RBFOX1: variants seen among roughly 807,000 people sequenced by gnomAD.
RBFOX1 encodes RNA binding fox-1 homolog 1, also known as RNA binding protein fox-1 homolog 1.
RBFOX1 carries 8 observed loss-of-function variants against 57.7 expected under a neutral mutation model. That is an observed-to-expected ratio of 0.14 (90% CI 0.08 to 0.25). RBFOX1 has a LOEUF of 0.25. Ranked by LOEUF, RBFOX1 falls within the 10% of genes least tolerant of loss-of-function variation. The pLI is 1.00. For synonymous variants in RBFOX1, 326 were observed against 222.4 expected, an observed-to-expected ratio of 1.47 and a Z score of -4.15; for missense variants, 611 against 548.5, an observed-to-expected ratio of 1.11 and a Z score of -1.14.
At chr16:7,517,758 G>A (rs552782655) in intron 4 of RBFOX1, among the ~76,000 whole-genome samples, 1 of 151,400 alleles carries the variant, frequency 6.6e-6, no homozygotes, top group Non-Finnish European at 1.5e-5. Context: ...TCAAGGTTCT[G>A]CTGTCACTGC....
chr16:7,159,167 T>C (rs539203172), intron 4 of RBFOX1, among the ~76,000 whole-genome samples: 69 of 152,264 alleles, frequency 4.5e-4, no homozygotes, highest in African/African-American at 1.6e-3. Context: ...GCCCTGGAGA[T>C]TGTTTCAAGT....
intron 4 of RBFOX1, among the ~76,000 whole-genome samples, chr16:7,245,764 G>T (rs1482767574): frequency 6.6e-6 from 1 of 152,058 alleles, no homozygotes; most frequent in Non-Finnish European, 1.5e-5. Context: ...AATAACTTCG[G>T]GTTGCCCTTT....
At position 6,637,827 on chromosome 16, in the gene RBFOX1, C is replaced by G. The variant is rs1030704008; in HGVS notation, c.-63-16776C>G. On this transcript the variant is annotated intron_variant, in intron 2 of 15. Coordinates refer to ENST00000550418, the MANE Select transcript of RBFOX1 (RefSeq NM_018723.4). The stretch of plus-strand genomic sequence containing the variant: ...CCATGGTCTCCAAATCTTGGAGGTC[C>G]TTTCTGCACTGGATTACAATTCTGA... 2.0e-5 allele frequency among the ~76,000 whole-genome samples: 3 copies of G among 152,006 alleles called. No individual in the cohort carries two copies. The East Asian group carries it at 5.8e-4, about 29-fold the overall frequency.
At chr16:5,771,009 C>G (rs2053959916) in intron 3 of RBFOX1, among the ~76,000 whole-genome samples, 1 of 152,156 alleles carries the variant, frequency 6.6e-6, no homozygotes, top group African/African-American at 2.4e-5. Flanking sequence ...TGCAAACGAG[C>G]AGTGTTGGCA....
Position 7,218,936 on chromosome 16 carries a change from A to G in RBFOX1, c.27+166838A>G, listed in dbSNP as rs144873815. Among the ~76,000 whole-genome samples the G allele has an allele frequency of 2.0e-3, 311 of 152,252 alleles. 3 individuals are homozygous for G. The highest frequency in any genetic ancestry group is 7.2e-3 in the African/African-American group (299 of 41,548). On this transcript the variant is annotated intron_variant, in intron 4 of 15. Transcript: ENST00000550418. ...TCTTCTCTCTTGGGTTTGGGCAGGCATATGGTCTGTGCCTAGCAGAGCTGA... is the reference window on the plus strand; with the variant it reads ...TCTTCTCTCTTGGGTTTGGGCAGGCGTATGGTCTGTGCCTAGCAGAGCTGA...
Position 5,783,493 on chromosome 16 carries a change from G to A in RBFOX1, c.319-83810G>A, listed in dbSNP as rs9938491. Among the ~76,000 whole-genome samples the A allele has an allele frequency of 2.9e-3, 447 of 152,232 alleles. 3 individuals carry two copies. The highest frequency in any genetic ancestry group is 0.01 in the African/African-American group (433 of 41,536). ...GATGCATATCAATAATATAGGAAAA[G>A]TGGATAGAAAAAAATCACCCTCATC... On this transcript the variant is annotated intron_variant, in intron 3 of 19. Transcript: ENST00000641259.
intron 1 of RBFOX1, among the ~76,000 whole-genome samples, chr16:6,157,788 A>C (rs1381174366): frequency 6.6e-6 from 1 of 152,164 alleles, no homozygotes; most frequent in Admixed American, 6.5e-5. Context: ...TCTCTGTTAT[A>C]TTTCTTGCCA....
chr16:5,268,356 G>A (rs1273225823), intron 1 of RBFOX1, among the ~76,000 whole-genome samples: 5 of 152,254 alleles, frequency 3.3e-5, no homozygotes, highest in African/African-American at 4.8e-5. Context: ...CATCTTTGGA[G>A]TATGTGGAAT....
intron 4 of RBFOX1, among the ~76,000 whole-genome samples, chr16:7,227,290 A>ACCCCCCCCC (rs113618012): frequency 9.5e-6 from 1 of 105,316 alleles, no homozygotes; most frequent in Non-Finnish European, 2.0e-5. Flanking sequence ...ACCCCACCCC[A>ACCCCCCCCC]CCCCCACACA....
At chr16:7,196,188 G>C (rs72765583) in intron 4 of RBFOX1, among the ~76,000 whole-genome samples, 8,291 of 152,228 alleles carry the variant, frequency 0.054, 318 homozygotes, top group Middle Eastern at 0.1. Flanking sequence ...TAAATAATCA[G>C]TATGTTCCAT....
chr16:6,947,535 C>T (rs1266861934), intron 3 of RBFOX1, among the ~76,000 whole-genome samples: 1 of 152,188 alleles, frequency 6.6e-6, no homozygotes, highest in African/African-American at 2.4e-5. Context: ...TGAGAGAAAT[C>T]CTCCTGAAAC....
chr16:6,269,600 G>A (rs542639022), intron 1 of RBFOX1, among the ~76,000 whole-genome samples: 15 of 152,178 alleles, frequency 9.9e-5, no homozygotes, highest in African/African-American at 3.6e-4. Flanking sequence ...AGTGCTGAAA[G>A]AAAATACTTG....
At chr16:6,913,776 T>C (rs1318586207) in intron 3 of RBFOX1, among the ~76,000 whole-genome samples, 1 of 152,120 alleles carries the variant, frequency 6.6e-6, no homozygotes, top group Admixed American at 6.5e-5. Context: ...TGTGGGAAGC[T>C]ATTGAGTCTG....
chr16:7,048,862 A>G (rs868558584), intron 3 of RBFOX1, among the ~76,000 whole-genome samples: 4 of 152,220 alleles, frequency 2.6e-5, no homozygotes, highest in Middle Eastern at 3.4e-3. Context: ...AGTTGTTGAT[A>G]TTTTTGTTTT....
At chr16:6,810,183 T>C (rs1395814254) in intron 3 of RBFOX1, among the ~76,000 whole-genome samples, 1 of 152,206 alleles carries the variant, frequency 6.6e-6, no homozygotes. Flanking sequence ...TTGTCTTATG[T>C]GTGCAACTTG....
chr16:6,425,811 CACCATT>C (rs908769416), intron 2 of RBFOX1, among the ~76,000 whole-genome samples: 30 of 152,194 alleles, frequency 2.0e-4, no homozygotes, highest in African/African-American at 7.2e-4. Flanking sequence ...AGAGTTTAAT[CACCATT>C]ACTCTTTTTA....
At chr16:6,867,797 A>T (rs1049275804) in intron 3 of RBFOX1, among the ~76,000 whole-genome samples, 1 of 152,190 alleles carries the variant, frequency 6.6e-6, no homozygotes, top group Admixed American at 6.5e-5. Flanking sequence ...TGCTCAGAAC[A>T]AGTCCTGTTT....
intron 15 of RBFOX1, chr16:7,710,405 C>T (rs1598713878): frequency 2.2e-6 from 3 of 1,388,246 alleles, no homozygotes; most frequent in African/African-American, 3.0e-5. Flanking sequence ...GACTGGCTGA[C>T]AGAATTTGGT....
intron 3 of RBFOX1, among the ~76,000 whole-genome samples, chr16:5,634,770 T>G (rs766751064): frequency 6.6e-6 from 1 of 152,230 alleles, no homozygotes; most frequent in Admixed American, 6.5e-5. Flanking sequence ...CTGACTTCCT[T>G]CTGCAGACAG....
Sources: gnomAD v4.1 joint callset for allele counts (sites outside exome capture counted in the v4.1 genomes callset) on GRCh38, gnomAD v4.1.1 for gene constraint, MANE v1.5 for transcripts, NCBI Gene and HGNC (gene_info 2026-07-23, HGNC 2026-07-21) for gene names.